ZNF44: variants seen among roughly 807,000 people sequenced by gnomAD.
ZNF44 encodes gonadotropin inducible transcription repressor-2.
In ZNF44, 9 loss-of-function variants were observed where a neutral mutation model predicts 11.7. That is an observed-to-expected ratio of 0.77 (90% CI 0.46 to 1.35). The LOEUF is 1.35. Ranked by LOEUF, ZNF44 falls within the 40% of genes most tolerant of loss-of-function variation. ZNF44 has a pLI of 0.00. For synonymous variants in ZNF44, 224 were observed against 242.7 expected, an observed-to-expected ratio of 0.92 and a Z score of 0.72; for missense variants, 696 against 743.1, an observed-to-expected ratio of 0.94 and a Z score of 0.74.
chr19:12,249,507 GAAAAAA>G (rs958860050), intron 7 of ZNF44, among the ~76,000 whole-genome samples: 168 of 60,762 alleles, frequency 2.8e-3, no homozygotes, highest in African/African-American at 0.011. Flanking sequence ...CTCCGTCTCA[GAAAAAA>G]AAAAAAAAAA....
chr19:12,289,643 C>CTTT (rs34329118), intron 1 of ZNF44, among the ~76,000 whole-genome samples: 12 of 117,880 alleles, frequency 1.0e-4, no homozygotes, highest in South Asian at 2.8e-4. Context: ...TAAACTCATT[C>CTTT]TTTTTTTTTT....
chr19:12,239,663 C>T (rs548493466), upstream of ZNF44, among the ~76,000 whole-genome samples: 3 of 150,118 alleles, frequency 2.0e-5, 1 homozygote, highest in African/African-American at 4.9e-5. Context: ...CAACCTCCAC[C>T]TCCCTGTTCA....
intron 7 of ZNF44, chr19:12,248,789 T>G: frequency 1.5e-6 from 1 of 653,888 alleles, no homozygotes; most frequent in South Asian, 2.0e-5. Context: ...CAGATTTTTT[T>G]GTCCTGTCTA....
chr19:12,294,033 C>G, intron 1 of ZNF44, among the ~76,000 whole-genome samples: 1 of 151,346 alleles, frequency 6.6e-6, no homozygotes, highest in South Asian at 2.1e-4. Context: ...TCACAGCAGA[C>G]GCTGACCGCC....
intron 1 of ZNF44, among the ~76,000 whole-genome samples, chr19:12,292,460 T>TA (rs1443201055): frequency 1.3e-5 from 2 of 152,112 alleles, no homozygotes; most frequent in Non-Finnish European, 1.5e-5. Context: ...AATAAAAAAT[T>TA]AAATTGGAAA....
chr19:12,250,686 ATCT>A (rs1456910462), intron 5 of ZNF44: 7 of 427,380 alleles, frequency 1.6e-5, no homozygotes, highest in African/African-American at 8.2e-5. Context: ...AGAAAAACTC[ATCT>A]TCTTCTTATA....
In ZNF44 at chr19:12,273,028, T is replaced by C. The variant is rs1413853347; in HGVS notation, c.1227A>G (p.Gln409=). The part of the protein sequence containing the change: ...GKAFDSPSVF[Q]RHERTHTGEK... The stretch of plus-strand genomic sequence containing the variant: ...CTCCAGTGTGAGTCCTTTCATGTCT[T>C]TGAAATACACTAGGAGAATCAAAGG... Residue 409 remains glutamine, a synonymous_variant, in exon 4 of 4, where the codon CAA becomes CAG. Transcript: ENST00000355684. 6.2e-7 allele frequency: 1 copy of C among 1,613,962 alleles called. No individual in the cohort carries two copies. The highest frequency in any genetic ancestry group is 8.5e-7 in the Non-Finnish European group (1 of 1,179,956).
chr19:12,294,298 C>T (rs896773815), intron 1 of ZNF44, among the ~76,000 whole-genome samples: 4 of 152,222 alleles, frequency 2.6e-5, no homozygotes, highest in African/African-American at 9.6e-5. Flanking sequence ...CCTCAAACCT[C>T]TCACGGAGGC....
intron 5 of ZNF44, among the ~76,000 whole-genome samples, chr19:12,258,160 CAAA>C (rs770370872): frequency 3.7e-3 from 205 of 55,900 alleles, no homozygotes; most frequent in South Asian, 0.021. Flanking sequence ...CTCATCTCTA[CAAA>C]AAAAAAAAAA....
intron 1 of ZNF44, among the ~76,000 whole-genome samples, chr19:12,286,502 C>T (rs779884177): frequency 4.7e-5 from 7 of 150,444 alleles, no homozygotes; most frequent in Non-Finnish European, 8.9e-5. Context: ...GGCGTGGTGG[C>T]GGGTGCCTGT....
intron 5 of ZNF44, among the ~76,000 whole-genome samples, chr19:12,253,216 A>G (rs1292571596): frequency 1.5e-5 from 2 of 133,624 alleles, no homozygotes; most frequent in South Asian, 2.4e-4. Context: ...TTGAGACAGA[A>G]TTGTGCTCTG....
At position 12,251,728 on chromosome 19, in the gene ZNF44, A is replaced by T. The variant is rs369180716; in HGVS notation, c.1913-1360T>A. Among the ~76,000 whole-genome samples the T allele has an allele frequency of 7.2e-5, 11 of 152,190 alleles. No individual in the cohort carries two copies. The East Asian group carries it at 1.7e-3, about 24-fold the overall frequency. Reference sequence around the variant, plus strand: ...CAGAACCATTCCAGTTAACCTTGGGACTTGCTGACCTTGAGGAACAGGTTA... The same window carrying T: ...CAGAACCATTCCAGTTAACCTTGGGTCTTGCTGACCTTGAGGAACAGGTTA... On this transcript the variant is annotated intron_variant and NMD_transcript_variant, in intron 5 of 7. Coordinates refer to the ZNF44 transcript ENST00000393337.
At chr19:12,267,528 C>T (rs769851877), downstream of ZNF44, among the ~76,000 whole-genome samples, 16 of 152,112 alleles carry the variant, frequency 1.1e-4, no homozygotes, top group Non-Finnish European at 2.2e-4. Flanking sequence ...ACAAGGAAAA[C>T]GCCAAGTGAC....
chr19:12,225,410 G>A (rs1301617368), downstream of ZNF44: 1 of 152,152 alleles, frequency 6.6e-6, no homozygotes, highest in African/African-American at 2.4e-5. Context: ...CTGTTTGTTT[G>A]TTTTGGTACT....
intron 1 of ZNF44, 100 bp downstream of exon 1, chr19:12,294,592 A>G (rs1193639641): frequency 3.3e-6 from 5 of 1,494,036 alleles, no homozygotes; most frequent in Admixed American, 2.1e-5. Flanking sequence ...CCCAGACCCC[A>G]AAGACGCTGC....
chr19:12,278,872 A>G (rs1222730143), intron 1 of ZNF44, among the ~76,000 whole-genome samples: 14 of 152,226 alleles, frequency 9.2e-5, no homozygotes, highest in Admixed American at 8.5e-4. Context: ...AGGAAACAAT[A>G]TATTTTTATA....
At chr19:12,259,273 G>A (rs981857137) in intron 5 of ZNF44, among the ~76,000 whole-genome samples, 1 of 152,164 alleles carries the variant, frequency 6.6e-6, no homozygotes, top group East Asian at 1.9e-4. Flanking sequence ...AGGGATTTCT[G>A]CTCTATTTAT....
chr19:12,283,523 G>A (rs1214474301), intron 1 of ZNF44, among the ~76,000 whole-genome samples: 1 of 152,044 alleles, frequency 6.6e-6, no homozygotes, highest in Non-Finnish European at 1.5e-5. Flanking sequence ...TAGAGACGGG[G>A]TTTCACCGTA....
intron 1 of ZNF44, among the ~76,000 whole-genome samples, chr19:12,282,218 T>C (rs538814263): frequency 1.3e-5 from 2 of 152,202 alleles, no homozygotes; most frequent in African/African-American, 4.8e-5. Context: ...GTCTAAGGCA[T>C]GCAGTGTATG....
Sources: gnomAD v4.1 joint callset for allele counts (sites outside exome capture counted in the v4.1 genomes callset) on GRCh38, gnomAD v4.1.1 for gene constraint, MANE v1.5 for transcripts, NCBI Gene and HGNC (gene_info 2026-07-23, HGNC 2026-07-21) for gene names.